The following RAP1GAP2 variants were observed in gnomAD, a reference collection of about 807,000 sequenced individuals.
The protein encoded by RAP1GAP2 is rap1 GTPase-activating protein 2.
RAP1GAP2 carries 27 observed loss-of-function variants against 95.0 expected under a neutral mutation model. The observed-to-expected ratio is 0.28, with a 90% CI of 0.21 to 0.39. The LOEUF is 0.39. Among genes scored for constraint, RAP1GAP2 ranks in the 10% least tolerant of loss-of-function variants. RAP1GAP2 has a pLI of 1.00. For synonymous variants in RAP1GAP2, 373 were observed against 380.9 expected, an observed-to-expected ratio of 0.98 and a Z score of 0.24; for missense variants, 771 against 970.0, an observed-to-expected ratio of 0.79 and a Z score of 2.72.
chr17:3,009,509 C>T (rs896235711), intron 17 of RAP1GAP2, among the ~76,000 whole-genome samples: 21 of 152,156 alleles, frequency 1.4e-4, no homozygotes, highest in African/African-American at 4.6e-4. Context: ...CCAGGTCCGC[C>T]GGATTCCAAA....
At chr17:2,921,985 A>G (rs991383228) in intron 3 of RAP1GAP2, among the ~76,000 whole-genome samples, 7 of 152,056 alleles carry the variant, frequency 4.6e-5, no homozygotes, top group African/African-American at 9.7e-5. Context: ...GGATGATCTC[A>G]TCTCAAACTC....
intron 3 of RAP1GAP2, among the ~76,000 whole-genome samples, chr17:2,934,590 GAAATAATTACTGAGTAC>G (rs2043247848): frequency 6.6e-6 from 1 of 152,154 alleles, no homozygotes; most frequent in Admixed American, 6.5e-5. Flanking sequence ...GTTACCCCAA[GAAATAATTACTGAGTAC>G]AAATAATTAC....
chr17:2,947,424 C>A (rs1309841734), intron 3 of RAP1GAP2, among the ~76,000 whole-genome samples: 2 of 152,080 alleles, frequency 1.3e-5, no homozygotes, highest in African/African-American at 4.8e-5. Flanking sequence ...GCCCGTCCAG[C>A]CCTGACTCTA....
In RAP1GAP2 at chr17:2,796,604, G is replaced by A. The variant is rs200535152; in HGVS notation, c.44+33G>A. ...ACAGGTGGGAGGGTGGGGGAATGATGGGAGAGAACTTAGAAGTGAAGTCTT... is the reference window on the plus strand; with the variant it reads ...ACAGGTGGGAGGGTGGGGGAATGATAGGAGAGAACTTAGAAGTGAAGTCTT... On this transcript the variant is annotated intron_variant, in intron 1 of 24. Transcript: ENST00000254695. The surrounding 1 kb of genome is among the most constrained non-coding windows in gnomAD (Gnocchi z 4.7). The A allele has an allele frequency of 2.8e-4, 434 of 1,551,716 alleles. 1 individual carries two copies. In the African/African-American group the frequency reaches 5.2e-3, roughly 19 times the overall value.
At chr17:3,011,609 GTTTTTTTTTTTT>G in intron 17 of RAP1GAP2, among the ~76,000 whole-genome samples, 1 of 109,670 alleles carries the variant, frequency 9.1e-6, no homozygotes, top group South Asian at 3.3e-4. Flanking sequence ...TCCTGTCAAA[GTTTTTTTTTTTT>G]TTTTTTTTTG....
rs962615583 is a variant in RAP1GAP2 at position 3,003,867 on chromosome 17, G to A, written c.1201-1502G>A. On this transcript the variant is annotated intron_variant, in intron 14 of 24. Coordinates refer to ENST00000254695, the MANE Select transcript of RAP1GAP2 (RefSeq NM_015085.5). The surrounding 1 kb of genome is among the most constrained non-coding windows in gnomAD (Gnocchi z 4.1). ...TGAGGATGGAAGGTGAACGCACGTC[G>A]CAAGGAAGGGCCCTGTCCTCCGTGT... 2.5e-4 allele frequency among the ~76,000 whole-genome samples: 38 copies of A among 152,174 alleles called. No homozygotes were observed. The highest frequency in any genetic ancestry group is 8.7e-4 in the African/African-American group (36 of 41,440).
chr17:2,765,581 A>G (rs988123500), intron 1 of RAP1GAP2, among the ~76,000 whole-genome samples: 2 of 151,802 alleles, frequency 1.3e-5, no homozygotes, highest in African/African-American at 4.8e-5. Flanking sequence ...CTCTACTAAA[A>G]TAATACAAAA....
intron 3 of RAP1GAP2, among the ~76,000 whole-genome samples, chr17:2,915,766 C>T (rs962214083): frequency 4.6e-5 from 7 of 151,994 alleles, no homozygotes; most frequent in South Asian, 2.1e-4. Flanking sequence ...GGCGTGATCT[C>T]GGCTCACTGC....
Position 3,029,524 on chromosome 17 carries a change from G to A in RAP1GAP2, c.2108-1398G>A, listed in dbSNP as rs370231310. Reference sequence around the variant, plus strand: ...AGGGTGGAGTGGGGAGAGGTGGCCTGACGTCCTGACGTACAGTCTCCATAA... The same window carrying A: ...AGGGTGGAGTGGGGAGAGGTGGCCTAACGTCCTGACGTACAGTCTCCATAA... On this transcript the variant is annotated intron_variant, in intron 22 of 24. Coordinates refer to ENST00000254695, the MANE Select transcript of RAP1GAP2 (RefSeq NM_015085.5). The surrounding 1 kb of genome is among the most constrained non-coding windows in gnomAD (Gnocchi z 4.4). 1.5e-4 allele frequency among the ~76,000 whole-genome samples: 23 copies of A among 152,264 alleles called. 3 individuals carry two copies. The highest frequency in any genetic ancestry group is 1.0e-3 in the Admixed American group (16 of 15,292).
chr17:2,826,260 G>T (rs1004429695), intron 2 of RAP1GAP2, among the ~76,000 whole-genome samples: 10 of 150,438 alleles, frequency 6.6e-5, no homozygotes, highest in Non-Finnish European at 1.5e-4. Flanking sequence ...CTCCCCAAGT[G>T]CTGGGATTAC....
chr17:2,914,926 G>A (rs1445928289), intron 3 of RAP1GAP2, among the ~76,000 whole-genome samples: 2 of 151,522 alleles, frequency 1.3e-5, no homozygotes, highest in Non-Finnish European at 2.9e-5. Flanking sequence ...CGAGTAGCTG[G>A]GATTACAGGT....
chr17:2,890,542 C>A (rs76912128), intron 2 of RAP1GAP2, among the ~76,000 whole-genome samples: 1 of 152,094 alleles, frequency 6.6e-6, no homozygotes, highest in Admixed American at 6.6e-5. Context: ...TGGTTTAACA[C>A]GCCTCTGTGC....
rs2072599916 is a variant in RAP1GAP2, at chr17:2,866,068, G to A, written c.81-39216G>A. The stretch of plus-strand genomic sequence containing the variant: ...GAGGTGTGGAGAAGAGGTGCAGGGA[G>A]CCCTGGAGGTCAGAAGAAAGGGGGA... On this transcript the variant is annotated intron_variant, in intron 2 of 24. Coordinates refer to ENST00000254695, the MANE Select transcript of RAP1GAP2 (RefSeq NM_015085.5). The surrounding 1 kb of genome is among the most constrained non-coding windows in gnomAD (Gnocchi z 4.0). Among the ~76,000 whole-genome samples, 1 of 152,232 alleles carries A rather than the reference G, an allele frequency of 6.6e-6. No individual in the cohort carries two copies. The highest frequency in any genetic ancestry group is 2.4e-5 in the African/African-American group (1 of 41,454).
At chr17:2,815,059 A>G (rs8071247) in intron 2 of RAP1GAP2, among the ~76,000 whole-genome samples, 121,828 of 151,858 alleles carry the variant, frequency 0.8, 49,502 homozygotes, top group African/African-American at 0.93. Context: ...GCAGTACAGA[A>G]TCACCTAGGG....
Position 2,849,999 on chromosome 17 carries a change from C to CTTT in RAP1GAP2, c.80+49466_80+49468dup, listed in dbSNP as rs5818878. The stretch of plus-strand genomic sequence containing the variant: ...TGTCACTAACACCTAACACTGCCTG[C>CTTT]TTTTTTTTTTTTTTTTTTTGAGATG... On this transcript the variant is annotated intron_variant, in intron 2 of 24. Coordinates refer to ENST00000254695, the MANE Select transcript of RAP1GAP2 (RefSeq NM_015085.5). Among the ~76,000 whole-genome samples the CTTT allele has an allele frequency of 8.3e-5, 11 of 132,544 alleles. 1 individual carries two copies. The highest frequency in any genetic ancestry group is 1.4e-4 in the African/African-American group (5 of 35,446). The allele number at this position is 132,544 out of a possible 152,430, so 87.0% of individuals were successfully genotyped here.
intron 1 of RAP1GAP2, among the ~76,000 whole-genome samples, chr17:2,766,175 C>T (rs2068272196): frequency 6.6e-6 from 1 of 152,190 alleles, no homozygotes; most frequent in Non-Finnish European, 1.5e-5. Flanking sequence ...ATCCGGGACA[C>T]TGTGCGTCCT....
chr17:2,765,099 G>A (rs932189883), intron 1 of RAP1GAP2, among the ~76,000 whole-genome samples: 2 of 152,196 alleles, frequency 1.3e-5, no homozygotes, highest in Non-Finnish European at 2.9e-5. Context: ...TTTACAGGAG[G>A]GGAGTCACTT....
intron 2 of RAP1GAP2, among the ~76,000 whole-genome samples, chr17:2,810,761 C>T (rs1418760681): frequency 6.6e-6 from 1 of 152,006 alleles, no homozygotes; most frequent in Non-Finnish European, 1.5e-5. Flanking sequence ...AAACTCCTGA[C>T]CTCGTGATCC....
At chr17:2,992,287 A>G (rs1391276599) in intron 12 of RAP1GAP2, among the ~76,000 whole-genome samples, 1 of 151,144 alleles carries the variant, frequency 6.6e-6, no homozygotes, top group African/African-American at 2.4e-5. Context: ...CAGCCTCCCG[A>G]GTAGCTGGGA....
Sources: gnomAD v4.1 joint callset for allele counts (sites outside exome capture counted in the v4.1 genomes callset) on GRCh38, gnomAD v4.1.1 for gene constraint, Gnocchi (gnomAD v3.1) non-coding constraint, MANE v1.5 for transcripts, NCBI Gene and HGNC (gene_info 2026-07-23, HGNC 2026-07-21) for gene names.